Variants in LRRC31 observed in about 807,000 individuals in gnomAD.
LRRC31 encodes leucine-rich repeat-containing protein 31.
A neutral mutation model predicts 46.7 loss-of-function variants in LRRC31; 35 were observed. The observed-to-expected ratio is 0.75, with a 90% CI of 0.57 to 0.99. LRRC31 has a LOEUF of 0.99. LRRC31 is among the 50% of genes least tolerant of loss of function. The pLI is 0.00. For missense variants in LRRC31, 613 were observed against 626.1 expected (o/e 0.98, Z 0.22); for synonymous variants, 236 against 235.1 (o/e 1.00, Z -0.03).
At chr3:169,859,323 A>AGGGGGGG (rs1781076485) in intron 3 of LRRC31, among the ~76,000 whole-genome samples, 1 of 137,980 alleles carries the variant, frequency 7.2e-6, no homozygotes, top group Non-Finnish European at 1.5e-5. Context: ...GGGGGCGGGT[A>AGGGGGGG]GGCACTAGGA....
Position 169,848,128 on chromosome 3 carries a change from G to A in LRRC31, c.1319C>T (p.Ala440Val), listed in dbSNP as rs1308401882. 3.1e-6 allele frequency: 5 copies of A among 1,613,160 alleles called. No homozygotes were observed. Among genetic ancestry groups the A allele is most frequent in the Non-Finnish European group, 4.2e-6 (5 of 1,179,280 alleles). Residue 440 changes from alanine to valine, a missense_variant, in exon 8 of 9, where the codon GCT (alanine) becomes GTT (valine). Coordinates refer to ENST00000316428, the MANE Select transcript of LRRC31 (RefSeq NM_024727.4). The part of the protein sequence containing the change: ...SSCSLVTEDV[A>V]LLASVIQTGH... ...AACAAGTAGATACACACCCAGGAGA[G>A]CCACATCCTCTGTCACCAGGGAACA...
intron 7 of LRRC31, among the ~76,000 whole-genome samples, chr3:169,849,461 A>T (rs930785989): frequency 6.6e-6 from 1 of 152,226 alleles, no homozygotes; most frequent in Non-Finnish European, 1.5e-5. Context: ...TTAAAAAAAA[A>T]ATATTTTCCC....
intron 5 of LRRC31, among the ~76,000 whole-genome samples, chr3:169,855,275 G>C (rs191699293): frequency 6.6e-6 from 1 of 152,168 alleles, no homozygotes; most frequent in East Asian, 1.9e-4. Flanking sequence ...CTGACATATC[G>C]CAAGGTGGTA....
At chr3:169,848,059 T>C in intron 8 of LRRC31, 61 bp downstream of exon 8, 1 of 1,520,050 alleles carries the variant, frequency 6.6e-7, no homozygotes, top group Non-Finnish European at 9.0e-7. Context: ...CCTGGTGCTT[T>C]GCAGGGGCCG....
Position 169,869,644 on chromosome 3 carries a change from G to A in LRRC31, c.164C>T (p.Thr55Ile). Residue 55 changes from threonine (T) to isoleucine (I), a missense_variant, in exon 1 of 9, where the codon ACC becomes ATC. By Grantham distance (89) the Thr-to-Ile change is moderately conservative. Coordinates refer to ENST00000316428, the MANE Select transcript of LRRC31 (RefSeq NM_024727.4). Reference protein sequence around the residue: ...QPSDWIQKTATSETAKPLSSE... With the variant: ...QPSDWIQKTAISETAKPLSSE... Reference sequence around the variant, plus strand: ...AGCCAGCAGCTTACCAGTCTCTGAGGTGGCTGTCTTCTGTATCCAGTCGCT... The same window carrying A: ...AGCCAGCAGCTTACCAGTCTCTGAGATGGCTGTCTTCTGTATCCAGTCGCT... 5 of 1,599,950 alleles carry A rather than the reference G, an allele frequency of 3.1e-6. No homozygotes were observed. Among genetic ancestry groups the A allele is most frequent in the Non-Finnish European group, 4.3e-6 (5 of 1,174,320 alleles).
chr3:169,861,110 G>T (rs1200203933), intron 2 of LRRC31, among the ~76,000 whole-genome samples: 1 of 133,446 alleles, frequency 7.5e-6, no homozygotes, highest in Non-Finnish European at 1.5e-5. Context: ...TCGATCTGTC[G>T]CCAGGCTGGA....
chr3:169,860,692 A>C lies in LRRC31; in HGVS notation c.356T>G (p.Leu119Arg), dbSNP rs1781127113. 2.5e-6 allele frequency: 4 copies of C among 1,614,048 alleles called. No individual in the cohort carries two copies. Among genetic ancestry groups the C allele is most frequent in the Middle Eastern group, 3.3e-4 (2 of 6,084 alleles). Residue 119 changes from leucine (L) to arginine (R), a missense_variant, in exon 3 of 9, where the codon CTG (leucine) becomes CGG (arginine). Coordinates refer to ENST00000316428, the MANE Select transcript of LRRC31 (RefSeq NM_024727.4). Reference sequence around the variant, plus strand: ...TACAAAACCATTCCAGGAGATATCCAGTTCTTCCAAGTCTGGGAGAAAAGG... The same window carrying C: ...TACAAAACCATTCCAGGAGATATCCCGTTCTTCCAAGTCTGGGAGAAAAGG... ...LLPFLPDLEE[L>R]DISWNGFVGG...
Position 169,848,294 on chromosome 3 carries a change from G to T in LRRC31, c.1160-7C>A. 2 of 1,613,130 alleles carry T rather than the reference G, an allele frequency of 1.2e-6. No individual in the cohort carries two copies. Among genetic ancestry groups the T allele is most frequent in the Non-Finnish European group, 1.7e-6 (2 of 1,179,250 alleles). ...AGGTGAACAGAGGCTTCAGCTAAAA[G>T]TGATAACAATACGAACAGCAGTAAT... is the stretch of plus-strand genomic sequence containing the variant. On this transcript the variant is annotated splice_polypyrimidine_tract_variant and splice_region_variant and intron_variant, in intron 7 of 8. Coordinates refer to ENST00000316428, the MANE Select transcript of LRRC31 (RefSeq NM_024727.4).
At chr3:169,869,237 G>A (rs1781419705) in intron 1 of LRRC31, among the ~76,000 whole-genome samples, 1 of 151,842 alleles carries the variant, frequency 6.6e-6, no homozygotes, top group Non-Finnish European at 1.5e-5. Context: ...TGGGCATGGT[G>A]GTGCGCATCT....
rs1004920864 is a variant in LRRC31 at position 169,864,923 on chromosome 3, A to G, written c.176-3110T>C. The stretch of plus-strand genomic sequence containing the variant: ...AAAACACCGTCTCTATTAAAAATAC[A>G]AAAATTTGCCAGGCGTACTGGCATG... On this transcript the variant is annotated intron_variant, in intron 1 of 8. Transcript: ENST00000316428. Among the ~76,000 whole-genome samples, 6 of 152,138 alleles carry G rather than the reference A, an allele frequency of 3.9e-5. No individual in the cohort carries two copies. The East Asian group carries it at 1.2e-3, about 29-fold the overall frequency.
intron 1 of LRRC31, among the ~76,000 whole-genome samples, chr3:169,865,640 C>G (rs966442047): frequency 6.6e-6 from 1 of 152,122 alleles, no homozygotes; most frequent in Non-Finnish European, 1.5e-5. Flanking sequence ...AAAGAGACAG[C>G]AAGAAAGCCA....
intron 1 of LRRC31, among the ~76,000 whole-genome samples, chr3:169,865,198 C>A (rs568762461): frequency 1.3e-5 from 2 of 151,120 alleles, no homozygotes; most frequent in Admixed American, 6.6e-5. Context: ...TGCAGTGAGC[C>A]GAGATTGCGC....
At chr3:169,852,813 C>T (rs1299519318) in intron 6 of LRRC31, among the ~76,000 whole-genome samples, 1 of 152,184 alleles carries the variant, frequency 6.6e-6, no homozygotes, top group Non-Finnish European at 1.5e-5. Flanking sequence ...TATCACATCA[C>T]CATATTTTAT....
chr3:169,869,692 A>C lies in LRRC31; in HGVS notation c.116T>G (p.Leu39Arg). ...NAESRKEDNDLKTSDSQPSDW... is the reference protein window; with the variant it reads ...NAESRKEDNDRKTSDSQPSDW... ...GCTGGGTTGGGAATCACTTGTTTTAAGGTCATTGTCCTCTTTTCTGCTTTC... is the reference window on the plus strand; with the variant it reads ...GCTGGGTTGGGAATCACTTGTTTTACGGTCATTGTCCTCTTTTCTGCTTTC... Residue 39 changes from leucine (L) to arginine (R), a missense_variant, in exon 1 of 9, where the codon CTT (leucine) becomes CGT (arginine). Coordinates refer to ENST00000316428, the MANE Select transcript of LRRC31 (RefSeq NM_024727.4). 1.2e-6 allele frequency: 2 copies of C among 1,612,696 alleles called. No individual in the cohort carries two copies. The highest frequency in any genetic ancestry group is 1.7e-6 in the Non-Finnish European group (2 of 1,179,534).
chr3:169,863,200 A>G (rs1435901701), intron 1 of LRRC31, among the ~76,000 whole-genome samples: 1 of 152,154 alleles, frequency 6.6e-6, no homozygotes, highest in Non-Finnish European at 1.5e-5. Context: ...AGCATTTAAG[A>G]CATACATAAA....
At chr3:169,844,151 A>G (rs1780531097) in intron 8 of LRRC31, among the ~76,000 whole-genome samples, 1 of 152,224 alleles carries the variant, frequency 6.6e-6, no homozygotes, top group Admixed American at 6.5e-5. Flanking sequence ...CAAAGACATT[A>G]TAAGAAAACC....
chr3:169,854,282 C>G (rs1199607093), intron 6 of LRRC31, among the ~76,000 whole-genome samples: 1 of 152,224 alleles, frequency 6.6e-6, no homozygotes, highest in Non-Finnish European at 1.5e-5. Context: ...TACGCTTGCT[C>G]TGTTATGGGA....
intron 8 of LRRC31, among the ~76,000 whole-genome samples, chr3:169,845,845 T>C (rs926943706): frequency 6.6e-6 from 1 of 152,104 alleles, no homozygotes; most frequent in African/African-American, 2.4e-5. Context: ...AATTAACAAA[T>C]TGATAAATCT....
At chr3:169,846,314 G>T (rs910160983) in intron 8 of LRRC31, among the ~76,000 whole-genome samples, 15 of 152,116 alleles carry the variant, frequency 9.9e-5, no homozygotes, top group African/African-American at 3.6e-4. Flanking sequence ...GGAAACACTA[G>T]GTGAACATAT....
Sources: allele counts gnomAD v4.1 joint callset (sites outside exome capture counted in the v4.1 genomes callset), GRCh38; gene constraint gnomAD v4.1.1; transcripts MANE v1.5; gene names NCBI Gene and HGNC (gene_info 2026-07-23, HGNC 2026-07-21).